PPP4R3B: variants seen among roughly 807,000 people sequenced by gnomAD.
PPP4R3B encodes serine/threonine-protein phosphatase 4 regulatory subunit 3B.
A neutral mutation model predicts 95.4 loss-of-function variants in PPP4R3B; 52 were observed. The ratio of observed to expected loss-of-function variants is 0.54; its 90% CI spans 0.44 to 0.69. The LOEUF (loss-of-function observed/expected upper bound fraction) is 0.69. Among genes scored for constraint, PPP4R3B ranks in the 30% least tolerant of loss-of-function variants. The pLI is 0.00. For missense variants in PPP4R3B, 1,003 were observed against 1,005.9 expected (o/e 1.00, Z 0.04); for synonymous variants, 407 against 343.9 (o/e 1.18, Z -2.03).
chr2:55,591,935 C>G (rs1315982469), intron 4 of PPP4R3B, among the ~76,000 whole-genome samples: 1 of 152,130 alleles, frequency 6.6e-6, no homozygotes, highest in Non-Finnish European at 1.5e-5. Flanking sequence ...AAACTAATCT[C>G]TTTTAGTTTT....
At chr2:55,563,556 T>G (rs1686896401) in intron 15 of PPP4R3B, among the ~76,000 whole-genome samples, 1 of 152,062 alleles carries the variant, frequency 6.6e-6, no homozygotes, top group Non-Finnish European at 1.5e-5. Flanking sequence ...TGTTTTTTTG[T>G]AGAGACAGGG....
chr2:55,599,107 ATCATT>A (rs1223933980), intron 3 of PPP4R3B, 68 bp from the exon 4 acceptor site: 3 of 1,383,712 alleles, frequency 2.2e-6, no homozygotes, highest in Non-Finnish European at 2.9e-6. Context: ...TGGAAATCAA[ATCATT>A]TGGAAATGCC....
chr2:55,573,244 C>A (rs373344259), intron 12 of PPP4R3B, among the ~76,000 whole-genome samples: 37 of 152,150 alleles, frequency 2.4e-4, no homozygotes, highest in African/African-American at 8.4e-4. Flanking sequence ...ATGAAGGTGA[C>A]AGTTTATAGT....
At position 55,565,034 on chromosome 2, in the gene PPP4R3B, A is replaced by T; in HGVS notation, c.1943T>A (p.Ile648Asn). 1 of 1,581,740 alleles carries T rather than the reference A, an allele frequency of 6.3e-7. No homozygotes were observed. Among genetic ancestry groups the T allele is most frequent in the Non-Finnish European group, 8.6e-7 (1 of 1,166,502 alleles). ...ELFEFIRVED[I>N]KSLTAHIVEN... Reference sequence around the variant, plus strand: ...AACTATATGGGCAGTAAGAGACTTGATATCTTCCTGTATAAGCACAAAATT... The same window carrying T: ...AACTATATGGGCAGTAAGAGACTTGTTATCTTCCTGTATAAGCACAAAATT... Residue 648 changes from isoleucine (I) to asparagine (N), a missense_variant, in exon 14 of 17, where the codon ATC becomes AAC. By Grantham distance (149) the Ile-to-Asn change is moderately radical. Coordinates refer to ENST00000616407, the MANE Select transcript of PPP4R3B (RefSeq NM_001122964.3).
intron 1 of PPP4R3B, among the ~76,000 whole-genome samples, chr2:55,616,936 A>T (rs1243962119): frequency 6.6e-6 from 1 of 152,068 alleles, no homozygotes; most frequent in Non-Finnish European, 1.5e-5. Context: ...AATCCTTAAG[A>T]GAGATGGGAG....
At chr2:55,600,293 G>T (rs962837898) in intron 3 of PPP4R3B, among the ~76,000 whole-genome samples, 7 of 152,026 alleles carry the variant, frequency 4.6e-5, no homozygotes, top group African/African-American at 7.2e-5. Context: ...GGGCGTGGTG[G>T]CGCATGCCTG....
In PPP4R3B at chr2:55,549,696, C is replaced by G. The variant is rs767905122; in HGVS notation, c.*215G>C. On this transcript the variant is annotated 3_prime_UTR_variant, in exon 17 of 17. Coordinates refer to ENST00000616407, the MANE Select transcript of PPP4R3B (RefSeq NM_001122964.3). The stretch of plus-strand genomic sequence containing the variant: ...GGTTACTAATGTTTGTTTTGACAGC[C>G]TAAAAGGCAAACCCCTTAATTACTA... The G allele has an allele frequency of 2.0e-6, 1 of 511,952 alleles. No individual in the cohort carries two copies. Among genetic ancestry groups the G allele is most frequent in the Non-Finnish European group, 3.4e-6 (1 of 293,018 alleles). The allele number at this position is 511,952 out of a possible 1,614,324, so 31.7% of individuals were successfully genotyped here.
At chr2:55,555,278 T>TAAAAAAAA (rs372423262) in intron 16 of PPP4R3B, among the ~76,000 whole-genome samples, 1 of 108,880 alleles carries the variant, frequency 9.2e-6, no homozygotes, top group African/African-American at 3.6e-5. Flanking sequence ...AGACTCCGTC[T>TAAAAAAAA]AAAAAAAAAA....
intron 2 of PPP4R3B, among the ~76,000 whole-genome samples, chr2:55,613,809 T>TAAAA (rs200188103): frequency 7.1e-6 from 1 of 141,816 alleles, no homozygotes; most frequent in Non-Finnish European, 1.6e-5. Context: ...GGAAATATGG[T>TAAAA]AAAAAAAAAA....
chr2:55,566,910 G>A (rs931486810), intron 13 of PPP4R3B, among the ~76,000 whole-genome samples: 10 of 152,218 alleles, frequency 6.6e-5, no homozygotes, highest in African/African-American at 9.6e-5. Context: ...GGAGGCTGAC[G>A]TGGGAGGATC....
chr2:55,614,316 C>T (rs375504000), intron 2 of PPP4R3B: 3 of 152,108 alleles, frequency 2.0e-5, no homozygotes, highest in Non-Finnish European at 4.4e-5. Flanking sequence ...TCTCTGCCAT[C>T]GTGACTTTAC....
At chr2:55,613,934 G>A (rs1263593927) in intron 2 of PPP4R3B, among the ~76,000 whole-genome samples, 2 of 152,096 alleles carry the variant, frequency 1.3e-5, no homozygotes, top group Non-Finnish European at 2.9e-5. Flanking sequence ...CTGGCTGACT[G>A]AGAAATTAAA....
At chr2:55,574,840 C>T (rs568099406) in intron 11 of PPP4R3B, among the ~76,000 whole-genome samples, 3 of 151,732 alleles carry the variant, frequency 2.0e-5, no homozygotes, top group South Asian at 4.2e-4. Context: ...GTGATCCACC[C>T]GCTTCAGCCA....
rs942777987 is a variant in PPP4R3B, at chr2:55,576,335, G to T, written c.1606+980C>A. Among the ~76,000 whole-genome samples the T allele has an allele frequency of 2.6e-5, 4 of 151,926 alleles. No homozygotes were observed. The East Asian group carries it at 7.7e-4, about 29-fold the overall frequency. On this transcript the variant is annotated intron_variant, in intron 11 of 16. Transcript: ENST00000616407. ...TGCACTCTAGCCTGGGTGACAGAGT[G>T]AGACTCTGTCTCAAACAAACGAAAG... is the stretch of plus-strand genomic sequence containing the variant.
Position 55,579,690 on chromosome 2 carries a change from T to C in PPP4R3B, c.1457A>G (p.Lys486Arg). The change falls in exon 9 of 17, where the codon AAA becomes AGA. Residue 486 changes from lysine (K) to arginine (R), a missense_variant. Lys to Arg is a conservative substitution (Grantham distance 26). Coordinates refer to ENST00000616407, the MANE Select transcript of PPP4R3B (RefSeq NM_001122964.3). The stretch of plus-strand genomic sequence containing the variant: ...TAAAGAGACCCTACCCTTTTCACAT[T>C]TGTCTTCTGAAGTATTGGTCAAAAG... ...APLLTNTSED[K>R]CEKDFFLKHY... 4 of 1,590,796 alleles carry C rather than the reference T, an allele frequency of 2.5e-6. No individual in the cohort carries two copies. The South Asian group carries it at 3.5e-5, about 14-fold the overall frequency.
chr2:55,566,182 T>C (rs931570483), intron 13 of PPP4R3B, among the ~76,000 whole-genome samples: 1 of 152,156 alleles, frequency 6.6e-6, no homozygotes, highest in Non-Finnish European at 1.5e-5. Context: ...TTTGGTTGCA[T>C]TATGGATTTT....
At chr2:55,579,018 T>C (rs551604894) in intron 9 of PPP4R3B, among the ~76,000 whole-genome samples, 2 of 152,172 alleles carry the variant, frequency 1.3e-5, no homozygotes, top group African/African-American at 4.8e-5. Context: ...ATTTAAAAAT[T>C]GCCTCCAAAT....
At chr2:55,564,770 C>A in intron 14 of PPP4R3B, 132 bp downstream of exon 14, 1 of 1,028,280 alleles carries the variant, frequency 9.7e-7, no homozygotes, top group Non-Finnish European at 1.4e-6. Flanking sequence ...GACGCCTTAC[C>A]CTCCTATTCA....
intron 2 of PPP4R3B, among the ~76,000 whole-genome samples, chr2:55,609,738 G>A (rs981514937): frequency 5.3e-5 from 8 of 150,208 alleles, no homozygotes; most frequent in South Asian, 2.1e-4. Context: ...TTCAAAGCCC[G>A]GATGGAAAAG....
Sources: allele counts gnomAD v4.1 joint callset (sites outside exome capture counted in the v4.1 genomes callset), GRCh38; gene constraint gnomAD v4.1.1; transcripts MANE v1.5; gene names NCBI Gene and HGNC (gene_info 2026-07-23, HGNC 2026-07-21).